PLAG1: variants seen among roughly 807,000 people sequenced by gnomAD.
PLAG1 encodes the protein PLAG1 zinc finger.
In PLAG1, 7 loss-of-function variants were observed where a neutral mutation model predicts 35.5. The ratio of observed to expected loss-of-function variants is 0.20; its 90% confidence interval spans 0.11 to 0.37. The LOEUF is 0.37. Among genes scored for constraint, PLAG1 ranks in the 10% least tolerant of loss-of-function variants. PLAG1 has a pLI of 1.00. For synonymous variants in PLAG1, 229 were observed against 225.4 expected (o/e 1.02, Z -0.14); for missense variants, 454 against 602.8 (o/e 0.75, Z 2.58).
rs540052474 is a variant in PLAG1 at position 56,162,072 on chromosome 8, T to C, written c.*4171A>G. The C allele has an allele frequency of 1.3e-5, 3 of 225,822 alleles. No homozygotes were observed. Among genetic ancestry groups the C allele is most frequent in the East Asian group, 6.4e-5 (1 of 15,748 alleles). 14.0% of individuals were successfully genotyped at this position (225,822 alleles called of 1,614,324 possible). ...TCTATGATCCCAAAGGAGCTCCCTA[T>C]GGGTTTTTAGCACAAAACTGCACAA... On this transcript the variant is annotated 3_prime_UTR_variant, in exon 5 of 5. Transcript: ENST00000316981.
intron 2 of PLAG1, among the ~76,000 whole-genome samples, chr8:56,176,942 ACAGAATAATC>A (rs1267330174): frequency 6.6e-6 from 1 of 152,218 alleles, no homozygotes; most frequent in African/African-American, 2.4e-5. Flanking sequence ...AATCGCAAAT[ACAGAATAATC>A]CAGATTTCAT....
intron 1 of PLAG1, among the ~76,000 whole-genome samples, chr8:56,196,673 CTT>C (rs1352707317): frequency 6.6e-6 from 1 of 152,120 alleles, no homozygotes. Flanking sequence ...GTGCACATCT[CTT>C]GACCCCGCGT....
chr8:56,171,147 T>C lies in PLAG1; in HGVS notation c.-174A>G. ...GATCTTAGCCAGTCCCATTGACTCT[T>C]CGTGGAAGAGAGTGGAATCCAATCC... On this transcript the variant is annotated 5_prime_UTR_variant, in exon 3 of 5. Transcript: ENST00000316981. The C allele has an allele frequency of 4.1e-6, 4 of 983,650 alleles. No individual in the cohort carries two copies. The highest frequency in any genetic ancestry group is 4.8e-6 in the Non-Finnish European group (4 of 827,960). The allele number at this position is 983,650 out of a possible 1,614,324, so 60.9% of individuals were successfully genotyped here. A position where few individuals can be genotyped will look rare whatever the true frequency, so the allele number is the denominator to read the frequency against.
rs1300212513 is a variant in PLAG1 at position 56,163,240 on chromosome 8, C to T, written c.*3003G>A. Reference sequence around the variant, plus strand: ...TTTTTTTTTTTTTTTTTTTTTTAACCAAGCTAAGGCACTACCAGAAATTTC... The same window carrying T: ...TTTTTTTTTTTTTTTTTTTTTTAACTAAGCTAAGGCACTACCAGAAATTTC... On this transcript the variant is annotated 3_prime_UTR_variant, in exon 5 of 5. Coordinates refer to ENST00000316981, the MANE Select transcript of PLAG1 (RefSeq NM_002655.3). 9.1e-6 allele frequency: 1 copy of T among 110,070 alleles called. No individual in the cohort carries two copies. Among genetic ancestry groups the T allele is most frequent in the Non-Finnish European group, 1.7e-5 (1 of 57,334 alleles). 6.8% of individuals were successfully genotyped at this position (110,070 alleles called of 1,614,324 possible).
intron 1 of PLAG1, among the ~76,000 whole-genome samples, chr8:56,200,394 T>C (rs1812514768): frequency 1.3e-5 from 2 of 152,314 alleles, no homozygotes; most frequent in African/African-American, 4.8e-5. Context: ...ATGGACCTAG[T>C]GGTAAAGACC....
chr8:56,189,190 G>A (rs575148021), intron 1 of PLAG1, among the ~76,000 whole-genome samples: 28 of 152,320 alleles, frequency 1.8e-4, no homozygotes, highest in Non-Finnish European at 3.4e-4. Context: ...ATGAACCCAC[G>A]GAAGAAAACA....
intron 1 of PLAG1, among the ~76,000 whole-genome samples, chr8:56,183,046 C>T (rs1227090503): frequency 6.6e-6 from 1 of 152,166 alleles, no homozygotes; most frequent in Non-Finnish European, 1.5e-5. Flanking sequence ...GAGAATGGCA[C>T]TTGGCTAGGG....
At position 56,161,907 on chromosome 8, in the gene PLAG1, G is replaced by C. The variant is rs1186960351; in HGVS notation, c.*4336C>G. 1.3e-5 allele frequency: 3 copies of C among 227,170 alleles called. No individual in the cohort carries two copies. The Admixed American group carries it at 1.7e-4, about 13-fold the overall frequency. The allele number at this position is 227,170 out of a possible 1,614,324, so 14.1% of individuals were successfully genotyped here. A position where few individuals can be genotyped will look rare whatever the true frequency, so the allele number is the denominator to read the frequency against. ...ATATAATGAAGTGTTTTATACATTA[G>C]CAATAGTTCTGTGTCATTTCTAGGC... On this transcript the variant is annotated 3_prime_UTR_variant, in exon 5 of 5. Transcript: ENST00000316981.
intron 2 of PLAG1, chr8:56,178,183 G>C (rs537511267): frequency 7.7e-4 from 125 of 161,558 alleles, no homozygotes; most frequent in Non-Finnish European, 1.4e-3. Flanking sequence ...TATCCTTCAT[G>C]TGAAAATAAA....
intron 2 of PLAG1, among the ~76,000 whole-genome samples, chr8:56,171,789 G>A (rs975055662): frequency 6.6e-6 from 1 of 152,236 alleles, no homozygotes; most frequent in Non-Finnish European, 1.5e-5. Flanking sequence ...TGCAAGAGAA[G>A]TTAAATATAG....
chr8:56,191,595 G>A (rs1048446000), intron 1 of PLAG1, among the ~76,000 whole-genome samples: 3 of 151,964 alleles, frequency 2.0e-5, no homozygotes, highest in Non-Finnish European at 4.4e-5. Context: ...AATAACTAAA[G>A]GTACCAAAAG....
chr8:56,191,080 G>A (rs1015484977), intron 1 of PLAG1, among the ~76,000 whole-genome samples: 7 of 152,296 alleles, frequency 4.6e-5, no homozygotes, highest in East Asian at 1.9e-4. Flanking sequence ...AGGGCCAAAC[G>A]ACCACAGGCC....
At chr8:56,182,391 G>T (rs1422946360) in intron 1 of PLAG1, among the ~76,000 whole-genome samples, 1 of 152,152 alleles carries the variant, frequency 6.6e-6, no homozygotes, top group Non-Finnish European at 1.5e-5. Context: ...CTGGTTAATT[G>T]CTGATAGAGC....
In PLAG1 at chr8:56,161,851, T is replaced by C. The variant is rs1376492670; in HGVS notation, c.*4392A>G. 8.7e-6 allele frequency: 2 copies of C among 229,314 alleles called. No individual in the cohort carries two copies. The highest frequency in any genetic ancestry group is 1.8e-4 in the South Asian group (1 of 5,502). The allele number at this position is 229,314 out of a possible 1,614,324, so 14.2% of individuals were successfully genotyped here. On this transcript the variant is annotated 3_prime_UTR_variant, in exon 5 of 5. Coordinates refer to ENST00000316981, the MANE Select transcript of PLAG1 (RefSeq NM_002655.3). Reference sequence around the variant, plus strand: ...GGAGTGTTTCTGAGAAGATAAACATTCATTCTGGTTCATCTGTACCACTGA... The same window carrying C: ...GGAGTGTTTCTGAGAAGATAAACATCCATTCTGGTTCATCTGTACCACTGA...
At chr8:56,174,475 GA>G (rs1554533913) in intron 2 of PLAG1, among the ~76,000 whole-genome samples, 1 of 152,046 alleles carries the variant, frequency 6.6e-6, no homozygotes, top group South Asian at 2.1e-4. Context: ...AAAATAACAG[GA>G]AAAAAACTAT....
Position 56,161,762 on chromosome 8 carries a change from T to C in PLAG1, c.*4481A>G. 1 of 230,246 alleles carries C rather than the reference T, an allele frequency of 4.3e-6. No homozygotes were observed. Among genetic ancestry groups the C allele is most frequent in the Non-Finnish European group, 8.6e-6 (1 of 115,866 alleles). The allele number at this position is 230,246 out of a possible 1,614,324, so 14.3% of individuals were successfully genotyped here. A position where few individuals can be genotyped will look rare whatever the true frequency, so the allele number is the denominator to read the frequency against. On this transcript the variant is annotated 3_prime_UTR_variant, in exon 5 of 5. Coordinates refer to ENST00000316981, the MANE Select transcript of PLAG1 (RefSeq NM_002655.3). Reference sequence around the variant, plus strand: ...ATACGACTGAATGAGACAGAGAAGTTTGTAGCACCATGAAGAGTTGTAGCC... The same window carrying C: ...ATACGACTGAATGAGACAGAGAAGTCTGTAGCACCATGAAGAGTTGTAGCC...
intron 1 of PLAG1, among the ~76,000 whole-genome samples, chr8:56,197,477 A>C (rs1347503049): frequency 6.6e-6 from 1 of 152,234 alleles, no homozygotes; most frequent in Non-Finnish European, 1.5e-5. Flanking sequence ...GGGAAAAGAC[A>C]GAGTCAGAGT....
rs1051170342 is a variant in PLAG1, at chr8:56,162,597, T to C, written c.*3646A>G. On this transcript the variant is annotated 3_prime_UTR_variant, in exon 5 of 5. Transcript: ENST00000316981. ...CTATAAGAAAGTTTCTGTAAAGGTT[T>C]AGATTCATTTTGAAAGTGCTATATC... 2 of 211,080 alleles carry C rather than the reference T, an allele frequency of 9.5e-6. No homozygotes were observed. The highest frequency in any genetic ancestry group is 3.7e-4 in the South Asian group (2 of 5,360). The allele number at this position is 211,080 out of a possible 1,614,324, so 13.1% of individuals were successfully genotyped here.
chr8:56,190,046 T>C (rs1351019558), intron 1 of PLAG1, among the ~76,000 whole-genome samples: 1 of 152,162 alleles, frequency 6.6e-6, no homozygotes, highest in Non-Finnish European at 1.5e-5. Flanking sequence ...TGACAGCAAG[T>C]CAAGTGGACT....
Sources: gnomAD v4.1 joint callset for allele counts (sites outside exome capture counted in the v4.1 genomes callset) on GRCh38, gnomAD v4.1.1 for gene constraint, MANE v1.5 for transcripts, NCBI Gene and HGNC (gene_info 2026-07-23, HGNC 2026-07-21) for gene names.